ASPHD1: variants seen among roughly 807,000 people sequenced by gnomAD.
ASPHD1 encodes the protein aspartate beta-hydroxylase domain containing 1, also known as aspartate beta-hydroxylase domain-containing protein 1.
Under a neutral mutation model 28.3 loss-of-function variants are expected in ASPHD1, and 20 were observed. The ratio of observed to expected loss-of-function variants is 0.71; its 90% CI spans 0.50 to 1.03. The LOEUF (loss-of-function observed/expected upper bound fraction) is 1.03. Among genes scored for constraint, ASPHD1 ranks in the 50% least tolerant of loss-of-function variants. The pLI is 0.00. For missense variants in ASPHD1, 479 were observed against 524.1 expected, an observed-to-expected ratio of 0.91 and a Z score of 0.84; for synonymous variants, 240 against 221.2, an observed-to-expected ratio of 1.08 and a Z score of -0.75.
chr16:29,907,038 G>A (rs761873723), downstream of ASPHD1: 12 of 1,613,882 alleles, frequency 7.4e-6, no homozygotes, highest in East Asian at 2.7e-4. Context: ...GGCTGGGTCT[G>A]GGCCCCGGGG....
In ASPHD1 at chr16:29,901,380, G is replaced by A; in HGVS notation, c.409G>A (p.Gly137Arg). The change falls in exon 1 of 3, where the codon GGG (glycine) becomes AGG (arginine). Residue 137 changes from glycine (G) to arginine (R), a missense_variant. Gly to Arg is a moderately radical substitution (Grantham distance 125). Transcript: ENST00000308748. This position sits in a 1 kb window ranked among gnomAD's most constrained non-coding sequence, Gnocchi z 5.1. Reference protein sequence around the residue: ...GPSPGGPGDPGEGPRTEGLVS... With the variant: ...GPSPGGPGDPREGPRTEGLVS... ...AAGCCCAGGGGGTCCTGGGGATCCC[G>A]GGGAAGGACCTAGGACGGAAGGCCT... 1.3e-6 allele frequency: 2 copies of A among 1,591,018 alleles called. No homozygotes were observed. The highest frequency in any genetic ancestry group is 1.7e-6 in the Non-Finnish European group (2 of 1,170,128).
At chr16:29,905,290 G>A (rs2150829996) in intron 2 of ASPHD1, 1 of 250,856 alleles carries the variant, frequency 4.0e-6, no homozygotes, top group Middle Eastern at 1.4e-3. Context: ...ATAAAATAGG[G>A]ATAATTATGG....
Position 29,906,043 on chromosome 16 carries a change from G to T in ASPHD1, c.*146G>T. On this transcript the variant is annotated 3_prime_UTR_variant, in exon 3 of 3. Coordinates refer to ENST00000308748, the MANE Select transcript of ASPHD1 (RefSeq NM_181718.4). ...TAGTGAGCACTGAAATATAAATTCTGAATCCTCTCCTAACTCCCGACTACT... is the reference window on the plus strand; with the variant it reads ...TAGTGAGCACTGAAATATAAATTCTTAATCCTCTCCTAACTCCCGACTACT... The T allele has an allele frequency of 1.8e-6, 1 of 570,762 alleles. No individual in the cohort carries two copies. 35.4% of individuals were successfully genotyped at this position (570,762 alleles called of 1,614,324 possible).
chr16:29,912,477 G>A, intron 3 of ASPHD1: 1 of 217,684 alleles, frequency 4.6e-6, no homozygotes, highest in Non-Finnish European at 9.1e-6. Flanking sequence ...AGTTTCGCTT[G>A]TTGCCCAGGC....
chr16:29,905,811 G>A lies in ASPHD1; in HGVS notation c.1087G>A (p.Val363Met). 1 of 1,613,932 alleles carries A rather than the reference G, an allele frequency of 6.2e-7. No individual in the cohort carries two copies. The highest frequency in any genetic ancestry group is 8.5e-7 in the Non-Finnish European group (1 of 1,179,934). The change falls in exon 3 of 3, where the codon GTG (valine) becomes ATG (methionine). Residue 363 changes from valine (V) to methionine (M), a missense_variant. By Grantham distance (21) the Val-to-Met change is conservative. Coordinates refer to ENST00000308748, the MANE Select transcript of ASPHD1 (RefSeq NM_181718.4). ...HNGSPEDGPRVVFIVDLWHPN... is the reference protein window; with the variant it reads ...HNGSPEDGPRMVFIVDLWHPN... ...AGGCTCCCCCGAAGATGGGCCTCGA[G>A]TGGTCTTCATCGTGGACCTCTGGCA...
At chr16:29,907,220 T>C (rs557359011), downstream of ASPHD1, 174 of 726,672 alleles carry the variant, frequency 2.4e-4, 1 homozygote, top group Middle Eastern at 4.9e-3. Context: ...AGTCAGGTCC[T>C]TGGGCCTGGC....
chr16:29,902,883 C>CTTTTTTTTT lies in ASPHD1; in HGVS notation c.949+968_949+969insTTTTTTTTT, dbSNP rs370689330. Among the ~76,000 whole-genome samples the CTTTTTTTTT allele has an allele frequency of 5.6e-5, 6 of 107,548 alleles. 1 individual carries two copies. Among genetic ancestry groups the CTTTTTTTTT allele is most frequent in the Admixed American group, 1.0e-4 (1 of 10,014 alleles). 70.6% of individuals were successfully genotyped at this position (107,548 alleles called of 152,430 possible). A position where few individuals can be genotyped will look rare whatever the true frequency, so the allele number is the denominator to read the frequency against. On this transcript the variant is annotated intron_variant, in intron 1 of 2. Coordinates refer to ENST00000308748, the MANE Select transcript of ASPHD1 (RefSeq NM_181718.4). Reference sequence around the variant, plus strand: ...CAGTAGCACCAAACTGAGATTTTTTCTTTTTCTTTTTTTTTTTTTTTTGAG... The same window carrying CTTTTTTTTT: ...CAGTAGCACCAAACTGAGATTTTTTCTTTTTTTTTTTTTTCTTTTTTTTTTTTTTTTGAG...
In ASPHD1 at chr16:29,900,738, C is replaced by T; in HGVS notation, c.-234C>T. 1 of 579,326 alleles carries T rather than the reference C, an allele frequency of 1.7e-6. No individual in the cohort carries two copies. The highest frequency in any genetic ancestry group is 3.0e-6 in the Non-Finnish European group (1 of 328,216). The allele number at this position is 579,326 out of a possible 1,614,324, so 35.9% of individuals were successfully genotyped here. A position where few individuals can be genotyped will look rare whatever the true frequency, so the allele number is the denominator to read the frequency against. ...GGGTTCCCGGGACTGCAGGTCCAGG[C>T]AGGGTAGGAACCGCTGCCCAGGGGA... On this transcript the variant is annotated 5_prime_UTR_variant, in exon 1 of 3. Transcript: ENST00000308748.
chr16:29,905,627 A>AG (rs1181102738), intron 2 of ASPHD1, among the ~76,000 whole-genome samples, 161 bp from the exon 3 acceptor site: 1 of 136,436 alleles, frequency 7.3e-6, no homozygotes, highest in East Asian at 2.2e-4. Context: ...ACTCCATCTC[A>AG]GGAAAAAAAA....
chr16:29,900,834 G>C lies in ASPHD1; in HGVS notation c.-138G>C. On this transcript the variant is annotated 5_prime_UTR_variant, in exon 1 of 3. Transcript: ENST00000308748. ...GGAGGAAAGGGGGAGATTGAGGTGG[G>C]AGAGAGAAGCAGAGCGAGAGAGAGG... 2.6e-6 allele frequency: 2 copies of C among 757,192 alleles called. No homozygotes were observed. Among genetic ancestry groups the C allele is most frequent in the East Asian group, 2.7e-5 (1 of 36,526 alleles). 46.9% of individuals were successfully genotyped at this position (757,192 alleles called of 1,614,324 possible).
downstream of ASPHD1, among the ~76,000 whole-genome samples, chr16:29,908,448 A>C (rs981888429): frequency 2.0e-5 from 3 of 152,028 alleles, no homozygotes; most frequent in African/African-American, 7.2e-5. Context: ...GCAATGGCAC[A>C]ATCTCAGCTC....
At chr16:29,902,046 G>A in intron 1 of ASPHD1, 126 bp downstream of exon 1, 3 of 688,752 alleles carry the variant, frequency 4.4e-6, no homozygotes, top group South Asian at 3.2e-5. Flanking sequence ...GCTCCCTGTT[G>A]CCACCCACAG....
intron 3 of ASPHD1, chr16:29,912,113 G>T: frequency 8.8e-7 from 1 of 1,130,368 alleles, no homozygotes; most frequent in Non-Finnish European, 1.3e-6. Flanking sequence ...CCACTTAAAA[G>T]CCTTCAAAAG....
Position 29,904,812 on chromosome 16 carries a change from T to C in ASPHD1, c.950-40T>C, listed in dbSNP as rs186798166. The stretch of plus-strand genomic sequence containing the variant: ...GACTGGCCAGGATGGGCCCCTGGGA[T>C]GGAGGCAGGAGTGCTGGATGCCCGC... On this transcript the variant is annotated intron_variant, in intron 1 of 2. Transcript: ENST00000308748. The C allele has an allele frequency of 6.3e-4, 897 of 1,416,106 alleles. 4 individuals carry two copies. The highest frequency in any genetic ancestry group is 7.7e-4 in the Non-Finnish European group (780 of 1,016,968). 87.7% of individuals were successfully genotyped at this position (1,416,106 alleles called of 1,614,324 possible).
At position 29,901,702 on chromosome 16, in the gene ASPHD1, C is replaced by T. The variant is rs2068551472; in HGVS notation, c.731C>T (p.Pro244Leu). Residue 244 changes from proline to leucine, a missense_variant, in exon 1 of 3, where the codon CCT becomes CTT. Pro to Leu is a moderately conservative substitution (Grantham distance 98). Transcript: ENST00000308748. This position sits in a 1 kb window ranked among gnomAD's most constrained non-coding sequence, Gnocchi z 5.1. ...CCTCCGCCTCGGGGCTGGTCCCCACCTCTGGCCCCCGGGTGCTACCAGCTC... is the reference window on the plus strand; with the variant it reads ...CCTCCGCCTCGGGGCTGGTCCCCACTTCTGGCCCCCGGGTGCTACCAGCTC... ...TTPPPRGWSP[P>L]LAPGCYQLLL... 6.3e-7 allele frequency: 1 copy of T among 1,579,132 alleles called. No homozygotes were observed. The highest frequency in any genetic ancestry group is 1.4e-5 in the African/African-American group (1 of 73,660).
downstream of ASPHD1, among the ~76,000 whole-genome samples, chr16:29,910,713 C>A (rs1414136419): frequency 6.6e-6 from 1 of 152,132 alleles, no homozygotes; most frequent in Non-Finnish European, 1.5e-5. Context: ...AATGCATACA[C>A]CCCCATTTCA....
intron 3 of ASPHD1, among the ~76,000 whole-genome samples, chr16:29,916,980 T>C (rs947208046): frequency 3.3e-5 from 5 of 152,320 alleles, no homozygotes; most frequent in African/African-American, 1.2e-4. Flanking sequence ...TGTCCTCACA[T>C]AGCATTCACA....
In ASPHD1 at chr16:29,900,689, C is replaced by T. The variant is rs2068528094; in HGVS notation, c.-283C>T. The T allele has an allele frequency of 1.9e-6, 1 of 536,214 alleles. No homozygotes were observed. The highest frequency in any genetic ancestry group is 3.3e-6 in the Non-Finnish European group (1 of 301,964). The allele number at this position is 536,214 out of a possible 1,614,324, so 33.2% of individuals were successfully genotyped here. ...AGCAGTGAGGCCGGAGAGAAAGAAGCTGCCGCGGAGGAAGACAGGCTGCGG... is the reference window on the plus strand; with the variant it reads ...AGCAGTGAGGCCGGAGAGAAAGAAGTTGCCGCGGAGGAAGACAGGCTGCGG... On this transcript the variant is annotated 5_prime_UTR_variant, in exon 1 of 3. Coordinates refer to ENST00000308748, the MANE Select transcript of ASPHD1 (RefSeq NM_181718.4).
intron 2 of ASPHD1, 95 bp from the exon 3 acceptor site, chr16:29,905,693 T>C (rs2150830342): frequency 1.4e-6 from 1 of 703,812 alleles, no homozygotes; most frequent in South Asian, 1.8e-5. Flanking sequence ...GGCCTGCCAC[T>C]TATTTACTGT....
Sources: allele counts gnomAD v4.1 joint callset (sites outside exome capture counted in the v4.1 genomes callset), GRCh38; gene constraint gnomAD v4.1.1; non-coding constraint Gnocchi (gnomAD v3.1); transcripts MANE v1.5; gene names NCBI Gene and HGNC (gene_info 2026-07-23, HGNC 2026-07-21).